The following PARK7 variants were observed in gnomAD, a reference collection of about 807,000 sequenced individuals.
PARK7 encodes the protein Parkinson disease protein 7.
In PARK7, 14 loss-of-function variants were observed where a neutral mutation model predicts 20.5. The observed-to-expected ratio is 0.68, with a 90% CI of 0.45 to 1.07. The LOEUF is 1.07. Among genes scored for constraint, PARK7 ranks in the 50% least tolerant of loss-of-function variants. PARK7 has a pLI of 0.00. For synonymous variants in PARK7, 98 were observed against 84.3 expected (o/e 1.16, Z -0.89); for missense variants, 234 against 238.1 (o/e 0.98, Z 0.11).
chr1:7,974,850 C>CTT (rs547673963), intron 5 of PARK7, among the ~76,000 whole-genome samples: 3,130 of 125,510 alleles, frequency 0.025, 144 homozygotes, highest in African/African-American at 0.078. Flanking sequence ...AAATAAGATT[C>CTT]TTTTTTTTTT....
chr1:7,977,171 C>G (rs936406394), intron 5 of PARK7, among the ~76,000 whole-genome samples: 1 of 152,180 alleles, frequency 6.6e-6, no homozygotes, highest in Non-Finnish European at 1.5e-5. Flanking sequence ...GATCCTCCCC[C>G]TCCTTTGGAC....
Position 7,984,403 on chromosome 1 carries a change from GTTTC to G in PARK7, c.410-489_410-486del. 6.6e-6 allele frequency among the ~76,000 whole-genome samples: 1 copy of G among 152,308 alleles called. No individual in the cohort carries two copies. Among genetic ancestry groups the G allele is most frequent in the African/African-American group, 2.4e-5 (1 of 41,568 alleles). Reference sequence around the variant, plus strand: ...AAAGTAGTCCTTGAGAGGGAATGTGGTTTCTACCTGCACACGCACACTCACATGC... The same window carrying G: ...AAAGTAGTCCTTGAGAGGGAATGTGGTACCTGCACACGCACACTCACATGC... On this transcript the variant is annotated intron_variant, in intron 6 of 6. Coordinates refer to ENST00000338639, the MANE Select transcript of PARK7 (RefSeq NM_007262.5). This position sits in a 1 kb window ranked among gnomAD's most constrained non-coding sequence, Gnocchi z 4.3.
intron 6 of PARK7, among the ~76,000 whole-genome samples, chr1:7,978,623 C>A (rs1440825297): frequency 1.2e-5 from 1 of 81,566 alleles, no homozygotes; most frequent in Non-Finnish European, 2.3e-5. Flanking sequence ...GCGGGTGGAT[C>A]GCTTGAGCCC....
intron 5 of PARK7, among the ~76,000 whole-genome samples, chr1:7,976,860 A>G (rs142338077): frequency 6.6e-6 from 1 of 152,270 alleles, no homozygotes; most frequent in African/African-American, 2.4e-5. Context: ...AGCTGGGACT[A>G]CAGGCGCCCG....
intron 3 of PARK7, among the ~76,000 whole-genome samples, chr1:7,966,718 AAATAAT>A (rs1014897245): frequency 2.0e-5 from 3 of 152,252 alleles, no homozygotes; most frequent in East Asian, 3.9e-4. Context: ...CCTGTCTCAA[AAATAAT>A]AATAATACTT....
chr1:7,968,325 A>G (rs1323453349), intron 3 of PARK7, among the ~76,000 whole-genome samples: 2 of 148,154 alleles, frequency 1.3e-5, no homozygotes, highest in Non-Finnish European at 3.0e-5. Context: ...AAAAGAAAAG[A>G]AAAATAAATA....
In PARK7 at chr1:7,985,247, C is replaced by A; in HGVS notation, c.*193C>A. ...AAATTGTGTCTATACATTTCTAAGC[C>A]TTGTTTGCAGAATAAACAGGGCATT... On this transcript the variant is annotated 3_prime_UTR_variant, in exon 7 of 7. Transcript: ENST00000338639. 1 of 721,598 alleles carries A rather than the reference C, an allele frequency of 1.4e-6. No individual in the cohort carries two copies. Among genetic ancestry groups the A allele is most frequent in the Non-Finnish European group, 2.3e-6 (1 of 437,958 alleles). The allele number at this position is 721,598 out of a possible 1,614,324, so 44.7% of individuals were successfully genotyped here.
chr1:7,969,221 A>C (rs1370329808), intron 3 of PARK7, 124 bp from the exon 4 acceptor site: 2 of 737,326 alleles, frequency 2.7e-6, no homozygotes, highest in African/African-American at 1.8e-5. Context: ...TAACTGTTCT[A>C]TTGGCAGATA....
rs539185221 is a variant in PARK7 at position 7,966,166 on chromosome 1, G to C, written c.192+741G>C. 1.8e-4 allele frequency among the ~76,000 whole-genome samples: 27 copies of C among 152,136 alleles called. 1 individual carries two copies. The South Asian group carries it at 5.2e-3, about 29-fold the overall frequency. On this transcript the variant is annotated intron_variant, in intron 3 of 6. Transcript: ENST00000338639. ...GGTCAGCGTGACAGGAGTGTGGACT[G>C]TACCCTCTGACAGCAGGGTCATGGC...
At chr1:7,967,147 A>T (rs1340046832) in intron 3 of PARK7, among the ~76,000 whole-genome samples, 1 of 152,180 alleles carries the variant, frequency 6.6e-6, no homozygotes, top group African/African-American at 2.4e-5. Context: ...TAGCTTTCAC[A>T]TATGAGTGAG....
chr1:7,980,450 GA>G (rs1640687553), intron 6 of PARK7, among the ~76,000 whole-genome samples: 1 of 152,058 alleles, frequency 6.6e-6, no homozygotes, highest in Non-Finnish European at 1.5e-5. Flanking sequence ...CTCACACTTG[GA>G]GTTTACAAAG....
In PARK7 at chr1:7,977,660, G is replaced by C; in HGVS notation, c.331G>C (p.Ala111Pro). The change falls in exon 6 of 7, where the codon GCT (alanine) becomes CCT (proline). Residue 111 changes from alanine (A) to proline (P), a missense_variant. Coordinates refer to ENST00000338639, the MANE Select transcript of PARK7 (RefSeq NM_007262.5). The part of the protein sequence containing the change: ...LIAAICAGPT[A>P]LLAHEIGFGS... ...TTTATTTTTATTCTTAGGTCCTACT[G>C]CTCTGTTGGCTCATGAAATAGGTTT... 6.2e-7 allele frequency: 1 copy of C among 1,613,708 alleles called. No homozygotes were observed. Among genetic ancestry groups the C allele is most frequent in the Non-Finnish European group, 8.5e-7 (1 of 1,179,706 alleles).
chr1:7,980,432 T>C (rs1640687087), intron 6 of PARK7, among the ~76,000 whole-genome samples: 1 of 152,096 alleles, frequency 6.6e-6, no homozygotes. Flanking sequence ...AAGATCAGAT[T>C]GTTGATGCTC....
At chr1:7,981,734 C>T (rs1466058178) in intron 6 of PARK7, among the ~76,000 whole-genome samples, 3 of 150,906 alleles carry the variant, frequency 2.0e-5, no homozygotes, top group Non-Finnish European at 3.0e-5. Context: ...TCTGTGCTCA[C>T]GGCAAGCTCC....
intron 2 of PARK7, among the ~76,000 whole-genome samples, chr1:7,964,116 C>T (rs768108053): frequency 3.3e-5 from 5 of 152,120 alleles, no homozygotes; most frequent in Non-Finnish European, 7.4e-5. Flanking sequence ...CCCGCCCCCA[C>T]GCATGTCTTT....
At position 7,985,242 on chromosome 1, in the gene PARK7, T is replaced by A. The variant is rs866190993; in HGVS notation, c.*188T>A. On this transcript the variant is annotated 3_prime_UTR_variant, in exon 7 of 7. Transcript: ENST00000338639. ...CCTACAAATTGTGTCTATACATTTCTAAGCCTTGTTTGCAGAATAAACAGG... is the reference window on the plus strand; with the variant it reads ...CCTACAAATTGTGTCTATACATTTCAAAGCCTTGTTTGCAGAATAAACAGG... 1.3e-6 allele frequency: 1 copy of A among 749,090 alleles called. No individual in the cohort carries two copies. Among genetic ancestry groups the A allele is most frequent in the African/African-American group, 1.7e-5 (1 of 57,336 alleles). 46.4% of individuals were successfully genotyped at this position (749,090 alleles called of 1,614,324 possible).
rs1640462080 is a variant in PARK7 at position 7,971,392 on chromosome 1, G to C, written c.322+429G>C. 3 of 259,354 alleles carry C rather than the reference G, an allele frequency of 1.2e-5. No homozygotes were observed. In the South Asian group the frequency reaches 1.4e-4, roughly 12 times the overall value. 16.1% of individuals were successfully genotyped at this position (259,354 alleles called of 1,614,324 possible). A position where few individuals can be genotyped will look rare whatever the true frequency, so the allele number is the denominator to read the frequency against. ...ATGGTGCTTTCCGCTGGCTTCTCGG[G>C]CGTTTCTGATTGTCTCAGTACCGAG... On this transcript the variant is annotated intron_variant, in intron 5 of 6. Transcript: ENST00000338639.
intron 2 of PARK7, among the ~76,000 whole-genome samples, chr1:7,963,618 GC>G (rs1244349237): frequency 6.6e-6 from 1 of 151,534 alleles, no homozygotes; most frequent in African/African-American, 2.4e-5. Flanking sequence ...CAAGTGACCC[GC>G]CCGCCTTAGC....
intron 6 of PARK7, among the ~76,000 whole-genome samples, chr1:7,978,614 C>T (rs141534517): frequency 1.5e-4 from 17 of 111,188 alleles, no homozygotes; most frequent in Admixed American, 1.9e-4. Context: ...GAGGCTGAGG[C>T]GGGTGGATCG....
Sources: allele counts gnomAD v4.1 joint callset (sites outside exome capture counted in the v4.1 genomes callset), GRCh38; gene constraint gnomAD v4.1.1; non-coding constraint Gnocchi (gnomAD v3.1); transcripts MANE v1.5; gene names NCBI Gene and HGNC (gene_info 2026-07-23, HGNC 2026-07-21).